STK39: variants seen among roughly 807,000 people sequenced by gnomAD.
The protein encoded by STK39 is STE20/SPS1-related proline-alanine-rich protein kinase.
Under a neutral mutation model 77.8 loss-of-function variants are expected in STK39, and 20 were observed. The ratio of observed to expected loss-of-function variants is 0.26; its 90% CI spans 0.18 to 0.37. The LOEUF (loss-of-function observed/expected upper bound fraction) is 0.37, where lower values mean the gene tolerates loss of function less well. Among genes scored for constraint, STK39 ranks in the 10% least tolerant of loss-of-function variants. The pLI is 1.00. For synonymous variants in STK39, 246 were observed against 234.1 expected, an observed-to-expected ratio of 1.05 and a Z score of -0.47; for missense variants, 479 against 656.5, an observed-to-expected ratio of 0.73 and a Z score of 2.95.
At chr2:168,208,774 G>C (rs1241386876) in intron 1 of STK39, among the ~76,000 whole-genome samples, 1 of 152,194 alleles carries the variant, frequency 6.6e-6, no homozygotes, top group African/African-American at 2.4e-5. Flanking sequence ...ACTGAGGCGG[G>C]GAAGCCCCTG....
At chr2:168,203,943 C>G (rs1689676476) in intron 1 of STK39, among the ~76,000 whole-genome samples, 1 of 152,170 alleles carries the variant, frequency 6.6e-6, no homozygotes, top group Admixed American at 6.5e-5. Context: ...GATACTGAGA[C>G]TGAACACCCT....
intron 1 of STK39, among the ~76,000 whole-genome samples, chr2:168,235,389 AATGTG>A (rs1690574465): frequency 6.6e-6 from 1 of 152,032 alleles, no homozygotes; most frequent in Non-Finnish European, 1.5e-5. Flanking sequence ...ACAAGGAAAC[AATGTG>A]ATATAAGTGG....
chr2:168,127,564 G>C (rs1441599500), intron 10 of STK39, among the ~76,000 whole-genome samples: 1 of 152,204 alleles, frequency 6.6e-6, no homozygotes. Flanking sequence ...AGCACAGATG[G>C]TTCAGTTTGG....
intron 1 of STK39, among the ~76,000 whole-genome samples, chr2:168,190,839 T>C (rs756381767): frequency 9.9e-5 from 15 of 152,162 alleles, no homozygotes; most frequent in Non-Finnish European, 1.3e-4. Context: ...ATTGAAAAAC[T>C]TCCTGTTCTG....
At chr2:168,247,085 A>C (rs1300941745) in intron 1 of STK39, 143 bp downstream of exon 1, 21 of 304,758 alleles carry the variant, frequency 6.9e-5, no homozygotes, top group East Asian at 5.9e-4. Flanking sequence ...AAAAAAAAAA[A>C]AAAACTGTTG....
intron 14 of STK39, among the ~76,000 whole-genome samples, chr2:168,046,595 G>A (rs935807146): frequency 3.3e-5 from 5 of 152,206 alleles, no homozygotes; most frequent in Non-Finnish European, 7.3e-5. Context: ...AGGAAGCAGA[G>A]CTGGCCTATA....
intron 1 of STK39, among the ~76,000 whole-genome samples, chr2:168,215,714 G>C (rs1574563578): frequency 6.6e-6 from 1 of 152,170 alleles, no homozygotes; most frequent in South Asian, 2.1e-4. Flanking sequence ...ACGTGTAAAG[G>C]AACAGCAGCT....
chr2:168,176,046 G>A (rs1208922596), intron 2 of STK39, among the ~76,000 whole-genome samples: 2 of 152,012 alleles, frequency 1.3e-5, no homozygotes, highest in Non-Finnish European at 2.9e-5. Context: ...TACCACATAC[G>A]ATGAATGAGC....
chr2:168,185,532 G>A (rs916214520), intron 1 of STK39, among the ~76,000 whole-genome samples: 7 of 152,056 alleles, frequency 4.6e-5, no homozygotes, highest in African/African-American at 1.4e-4. Context: ...ACTGCTGCTG[G>A]TATTAAGGTA....
chr2:168,021,562 G>C (rs1684572615), intron 14 of STK39, among the ~76,000 whole-genome samples: 1 of 152,122 alleles, frequency 6.6e-6, no homozygotes, highest in African/African-American at 2.4e-5. Context: ...TTTCAGGGAA[G>C]CTGAAAATAG....
chr2:168,195,147 T>C (rs576939571), intron 1 of STK39, among the ~76,000 whole-genome samples: 5 of 152,380 alleles, frequency 3.3e-5, no homozygotes, highest in African/African-American at 1.2e-4. Flanking sequence ...ATCCTCGTTG[T>C]CAAGTTTTTG....
intron 1 of STK39, among the ~76,000 whole-genome samples, chr2:168,183,523 G>C (rs1223757501): frequency 2.0e-5 from 3 of 152,164 alleles, no homozygotes; most frequent in African/African-American, 7.2e-5. Flanking sequence ...GTGTGCTTTT[G>C]TTCTACTTCC....
At chr2:167,974,252 C>G (rs568636798) in intron 16 of STK39, among the ~76,000 whole-genome samples, 5 of 152,228 alleles carry the variant, frequency 3.3e-5, no homozygotes, top group African/African-American at 1.2e-4. Flanking sequence ...TTTGAGTCAT[C>G]ATTTTGGCTA....
At chr2:167,959,512 A>G (rs945750730) in intron 17 of STK39, among the ~76,000 whole-genome samples, 4 of 152,112 alleles carry the variant, frequency 2.6e-5, no homozygotes, top group African/African-American at 9.7e-5. Context: ...CTGAAAAACC[A>G]GTTTGTCAGC....
At chr2:168,073,502 T>G (rs1489361278) in intron 12 of STK39, among the ~76,000 whole-genome samples, 2 of 152,060 alleles carry the variant, frequency 1.3e-5, no homozygotes, top group Non-Finnish European at 2.9e-5. Context: ...GAAGGAGAAA[T>G]AGAGTTCATG....
At chr2:168,134,740 CA>C (rs1415455624) in intron 8 of STK39, among the ~76,000 whole-genome samples, 1 of 152,074 alleles carries the variant, frequency 6.6e-6, no homozygotes, top group South Asian at 2.1e-4. Flanking sequence ...TCATCGTTGA[CA>C]AAAAAACACA....
At chr2:168,001,934 A>T (rs1310513966) in intron 16 of STK39, among the ~76,000 whole-genome samples, 1 of 152,244 alleles carries the variant, frequency 6.6e-6, no homozygotes, top group African/African-American at 2.4e-5. Context: ...TCCACTAGAA[A>T]TATATTTTTG....
chr2:168,013,818 G>T (rs903433768), intron 15 of STK39, among the ~76,000 whole-genome samples: 28 of 149,880 alleles, frequency 1.9e-4, no homozygotes, highest in African/African-American at 6.7e-4. Flanking sequence ...GTGTGTGTGT[G>T]TGTGTGTGTG....
At position 168,219,573 on chromosome 2, in the gene STK39, G is replaced by A. The variant is rs182306542; in HGVS notation, c.208+27655C>T. Among the ~76,000 whole-genome samples the A allele has an allele frequency of 4.0e-3, 616 of 152,190 alleles. 5 individuals are homozygous for A. The highest frequency in any genetic ancestry group is 0.014 in the African/African-American group (571 of 41,502). On this transcript the variant is annotated intron_variant, in intron 1 of 17. Coordinates refer to ENST00000355999, the MANE Select transcript of STK39 (RefSeq NM_013233.3). The stretch of plus-strand genomic sequence containing the variant: ...CAAACCCAATGCCAGTCAGACAGAT[G>A]CCCTTAGCTAAAGAAAAAGAAAACA...
Sources: gnomAD v4.1 joint callset for allele counts (sites outside exome capture counted in the v4.1 genomes callset) on GRCh38, gnomAD v4.1.1 for gene constraint, MANE v1.5 for transcripts, NCBI Gene and HGNC (gene_info 2026-07-23, HGNC 2026-07-21) for gene names.